Variants in AP3B1 observed in about 807,000 individuals in gnomAD.
AP3B1 encodes AP-3 complex subunit beta-1.
A neutral mutation model predicts 132.5 loss-of-function variants in AP3B1; 61 were observed. That is an observed-to-expected ratio of 0.46 (90% confidence interval 0.37 to 0.57). The LOEUF is 0.57. AP3B1 is among the 20% of genes least tolerant of loss of function. The probability of loss-of-function intolerance (pLI) is 0.00; values close to 1 mark genes in which losing one functional copy is unlikely to be tolerated. For missense variants in AP3B1, 1,120 were observed against 1,289.4 expected (o/e 0.87, Z 2.01); for synonymous variants, 388 against 438.3 (o/e 0.89, Z 1.43).
At chr5:78,013,150 T>C (rs1746692215) in intron 26 of AP3B1, among the ~76,000 whole-genome samples, 1 of 152,104 alleles carries the variant, frequency 6.6e-6, no homozygotes, top group African/African-American at 2.4e-5. Flanking sequence ...GCTCAGGCGA[T>C]CCTCCTACCT....
At position 78,181,628 on chromosome 5, in the gene AP3B1, T is replaced by G. The variant is rs989736183; in HGVS notation, c.821A>C (p.Tyr274Ser). 4 of 1,612,272 alleles carry G rather than the reference T, an allele frequency of 2.5e-6. No individual in the cohort carries two copies. Among genetic ancestry groups the G allele is most frequent in the Middle Eastern group, 1.6e-4 (1 of 6,074 alleles). ...TTCCTTCTGATCATCATCAGATTCG[T>G]AGAAATTCTTTCCATTGTCTTCTAA... is the stretch of plus-strand genomic sequence containing the variant. ...DELEDNGKNF[Y>S]ESDDDQKEKT... is the part of the protein sequence containing the mutation. Residue 274 changes from tyrosine to serine, a missense_variant, in exon 8 of 27, where the codon TAC becomes TCC. Around this residue, in one of 3 missense-constraint regions of AP3B1, gnomAD observed 906 missense variants for 997.1 expected, o/e 0.91. Transcript: ENST00000255194.
At chr5:78,014,207 T>TAA (rs11427263) in intron 26 of AP3B1, among the ~76,000 whole-genome samples, 1,977 of 139,778 alleles carry the variant, frequency 0.014, 47 homozygotes, top group African/African-American at 0.046. Context: ...TTGAGCAACT[T>TAA]AAAAAAAAAA....
At chr5:78,023,237 C>G (rs1360985976) in intron 24 of AP3B1, among the ~76,000 whole-genome samples, 1 of 152,098 alleles carries the variant, frequency 6.6e-6, no homozygotes, top group Non-Finnish European at 1.5e-5. Flanking sequence ...CTGAGTTACC[C>G]AGGAAGAGAT....
intron 20 of AP3B1, among the ~76,000 whole-genome samples, chr5:78,109,809 T>C (rs1448281541): frequency 1.3e-5 from 2 of 152,200 alleles, no homozygotes; most frequent in East Asian, 1.9e-4. Context: ...AACTAAAGAA[T>C]GTATACTCTT....
At chr5:78,134,700 C>G (rs547522849) in intron 15 of AP3B1, among the ~76,000 whole-genome samples, 52 of 152,188 alleles carry the variant, frequency 3.4e-4, no homozygotes, top group Middle Eastern at 6.8e-3. Flanking sequence ...GCCACCACAC[C>G]CGGCTAATTT....
intron 20 of AP3B1, among the ~76,000 whole-genome samples, chr5:78,102,114 C>T (rs2112235501): frequency 6.6e-6 from 1 of 152,130 alleles, no homozygotes; most frequent in Admixed American, 6.5e-5. Context: ...TAGCTTATTG[C>T]TAATGTGCTA....
In AP3B1 at chr5:78,145,352, G is replaced by A. The variant is rs138327128; in HGVS notation, c.1474-4033C>T. Among the ~76,000 whole-genome samples, 1,268 of 152,266 alleles carry A rather than the reference G, an allele frequency of 8.3e-3. 10 individuals are homozygous for A. Among genetic ancestry groups the A allele is most frequent in the Middle Eastern group, 0.024 (7 of 294 alleles). On this transcript the variant is annotated intron_variant, in intron 14 of 26. Coordinates refer to ENST00000255194, the MANE Select transcript of AP3B1 (RefSeq NM_003664.5). ...TCATTCATCGCCAAAGCCCTATGAA[G>A]TATGCTCTACTATGATCTGCACTAG...
chr5:78,062,623 A>T (rs1455317571), intron 22 of AP3B1, among the ~76,000 whole-genome samples: 1 of 152,212 alleles, frequency 6.6e-6, no homozygotes, highest in African/African-American at 2.4e-5. Context: ...AGAAATAAAA[A>T]TTTCACTAGG....
chr5:78,141,468 G>A lies in AP3B1; in HGVS notation c.1474-149C>T, dbSNP rs56119917. Reference sequence around the variant, plus strand: ...ATTAATCCTGTATTTATGAATTTTCGTCAGTTATCAAAAAATAAACACATA... The same window carrying A: ...ATTAATCCTGTATTTATGAATTTTCATCAGTTATCAAAAAATAAACACATA... On this transcript the variant is annotated intron_variant, in intron 14 of 26. Coordinates refer to ENST00000255194, the MANE Select transcript of AP3B1 (RefSeq NM_003664.5). The A allele has an allele frequency of 0.012, 7,481 of 636,216 alleles. 457 individuals are homozygous for A. In the African/African-American group the frequency reaches 0.12, roughly 10 times the overall value. The allele number at this position is 636,216 out of a possible 1,614,324, so 39.4% of individuals were successfully genotyped here. A position where few individuals can be genotyped will look rare whatever the true frequency, so the allele number is the denominator to read the frequency against.
At chr5:78,293,677 T>C (rs1749629245) in intron 1 of AP3B1, among the ~76,000 whole-genome samples, 1 of 152,010 alleles carries the variant, frequency 6.6e-6, no homozygotes, top group East Asian at 1.9e-4. Flanking sequence ...AATGTAAAAA[T>C]GATAATTCTG....
intron 2 of AP3B1, among the ~76,000 whole-genome samples, chr5:78,264,184 T>C (rs762533246): frequency 7.9e-5 from 12 of 152,198 alleles, no homozygotes; most frequent in Non-Finnish European, 8.8e-5. Context: ...CTGTATTGAA[T>C]AATAATCTAG....
chr5:78,193,785 A>G (rs1744968225), intron 7 of AP3B1, among the ~76,000 whole-genome samples: 2 of 88,442 alleles, frequency 2.3e-5, no homozygotes, highest in South Asian at 3.1e-4. Context: ...TTTTTTAGAC[A>G]GAGTCTCGCT....
At chr5:78,175,567 A>G in intron 11 of AP3B1, 59 bp downstream of exon 11, 1 of 1,358,266 alleles carries the variant, frequency 7.4e-7, no homozygotes, top group Non-Finnish European at 1.0e-6. Context: ...TAAAAGCTAT[A>G]GAAATATCTC....
At chr5:78,177,011 C>T (rs577653185) in intron 9 of AP3B1, among the ~76,000 whole-genome samples, 10 of 152,182 alleles carry the variant, frequency 6.6e-5, no homozygotes, top group African/African-American at 2.4e-4. Context: ...TCAGTGATTC[C>T]AGATTTACCA....
intron 1 of AP3B1, among the ~76,000 whole-genome samples, chr5:78,275,789 C>T (rs1748748392): frequency 6.6e-6 from 1 of 152,094 alleles, no homozygotes; most frequent in Non-Finnish European, 1.5e-5. Context: ...GCAATTTTAA[C>T]ACACCTCTCA....
intron 1 of AP3B1, among the ~76,000 whole-genome samples, chr5:78,274,572 C>G (rs1748691336): frequency 1.3e-5 from 2 of 152,000 alleles, no homozygotes; most frequent in Non-Finnish European, 2.9e-5. Flanking sequence ...TAAAACTACA[C>G]CAGGTACAGC....
At chr5:78,117,428 T>A (rs946185587) in intron 17 of AP3B1, among the ~76,000 whole-genome samples, 1 of 151,528 alleles carries the variant, frequency 6.6e-6, no homozygotes, top group African/African-American at 2.4e-5. Context: ...TCCTGCCTCA[T>A]CCTCCCAAGT....
chr5:78,133,732 TATC>T (rs1243900743), intron 15 of AP3B1, among the ~76,000 whole-genome samples: 1 of 152,208 alleles, frequency 6.6e-6, no homozygotes, highest in Non-Finnish European at 1.5e-5. Context: ...TATAATGTAT[TATC>T]ATTAACAAAA....
At chr5:78,004,238 C>T (rs1039990633) in intron 26 of AP3B1, among the ~76,000 whole-genome samples, 3 of 152,276 alleles carry the variant, frequency 2.0e-5, no homozygotes, top group African/African-American at 4.8e-5. Context: ...ATAAAACTGC[C>T]GCGCTAACAG....
Sources: gnomAD v4.1 joint callset for allele counts (sites outside exome capture counted in the v4.1 genomes callset) on GRCh38, gnomAD v4.1.1 for gene constraint, gnomAD v4.1.1 regional missense constraint, MANE v1.5 for transcripts, NCBI Gene and HGNC (gene_info 2026-07-23, HGNC 2026-07-21) for gene names.